BAIAP2: variants seen among roughly 807,000 people sequenced by gnomAD.
The protein encoded by BAIAP2 is BAR/IMD domain containing adaptor protein 2, also known as BAR/IMD domain-containing adapter protein 2.
A neutral mutation model predicts 63.0 loss-of-function variants in BAIAP2; 18 were observed. That is an observed-to-expected ratio of 0.29 (90% CI 0.20 to 0.42). BAIAP2 has a LOEUF of 0.42. BAIAP2 is among the 10% of genes least tolerant of loss of function. BAIAP2 has a pLI of 1.00. For missense variants in BAIAP2, 610 were observed against 734.3 expected (o/e 0.83, Z 1.96); for synonymous variants, 386 against 307.6 (o/e 1.25, Z -2.67).
intron 5 of BAIAP2, among the ~76,000 whole-genome samples, 170 bp downstream of exon 5, chr17:81,085,895 G>A (rs571676983): frequency 6.6e-6 from 1 of 152,348 alleles, no homozygotes; most frequent in East Asian, 1.9e-4. Flanking sequence ...CCCCTGGTGT[G>A]CCCCAAATGC....
chr17:81,049,389 G>A (rs1025261967), intron 1 of BAIAP2, among the ~76,000 whole-genome samples: 9 of 152,196 alleles, frequency 5.9e-5, no homozygotes, highest in South Asian at 2.1e-4. Context: ...CAGAGCCGCC[G>A]TGTGGGGGTG....
intron 3 of BAIAP2, among the ~76,000 whole-genome samples, chr17:81,062,412 A>T (rs2050723011): frequency 6.6e-6 from 1 of 151,646 alleles, no homozygotes; most frequent in African/African-American, 2.4e-5. Flanking sequence ...TTCTGGAGTT[A>T]ATAATGGTCT....
At chr17:81,052,747 C>T (rs865920829) in intron 1 of BAIAP2, among the ~76,000 whole-genome samples, 1 of 152,050 alleles carries the variant, frequency 6.6e-6, no homozygotes, top group Non-Finnish European at 1.5e-5. Flanking sequence ...TGCAGTTGCC[C>T]TTCCCTCCCC....
chr17:81,107,366 C>T (rs1406558439), intron 12 of BAIAP2: 1 of 158,870 alleles, frequency 6.3e-6, no homozygotes, highest in African/African-American at 2.4e-5. Flanking sequence ...GTGGCTGGAC[C>T]CCTTCCAGTC....
chr17:81,099,193 G>T (rs113122868), intron 6 of BAIAP2, among the ~76,000 whole-genome samples: 7 of 59,890 alleles, frequency 1.2e-4, no homozygotes, highest in South Asian at 5.5e-4. Context: ...CCCAGTCTCC[G>T]CTCGGTGACC....
At chr17:81,089,655 G>A (rs567330028) in intron 6 of BAIAP2, among the ~76,000 whole-genome samples, 2 of 152,198 alleles carry the variant, frequency 1.3e-5, no homozygotes, top group Admixed American at 6.5e-5. Context: ...GGAGGGGGTC[G>A]TGGCCTTACA....
chr17:81,067,922 G>A (rs924621532), intron 3 of BAIAP2, among the ~76,000 whole-genome samples: 3 of 152,186 alleles, frequency 2.0e-5, no homozygotes, highest in African/African-American at 7.2e-5. Context: ...GAGAGGAGCC[G>A]CTCAGCCTTC....
At chr17:81,086,211 C>A (rs752914371) in intron 5 of BAIAP2, among the ~76,000 whole-genome samples, 4 of 147,488 alleles carry the variant, frequency 2.7e-5, no homozygotes, top group Non-Finnish European at 6.0e-5. Flanking sequence ...CTTGGGCGAC[C>A]AGAGAGCTGC....
chr17:81,072,137 C>T (rs1404051069), intron 3 of BAIAP2, among the ~76,000 whole-genome samples: 4 of 152,234 alleles, frequency 2.6e-5, no homozygotes, highest in African/African-American at 7.2e-5. Flanking sequence ...GGCTCCAGCC[C>T]TCAGAAGCTT....
intron 13 of BAIAP2, among the ~76,000 whole-genome samples, chr17:81,114,711 T>C (rs1435843548): frequency 1.3e-5 from 2 of 152,232 alleles, no homozygotes; most frequent in African/African-American, 4.8e-5. Flanking sequence ...GAGCTGCCTC[T>C]GCCCTGTGCC....
At chr17:81,100,884 C>T (rs886081582) in intron 7 of BAIAP2, among the ~76,000 whole-genome samples, 4 of 152,170 alleles carry the variant, frequency 2.6e-5, no homozygotes, top group Non-Finnish European at 5.9e-5. Context: ...GCCTCTACCA[C>T]CTCTGCCTGC....
chr17:81,047,823 C>G (rs1303192487), intron 1 of BAIAP2, among the ~76,000 whole-genome samples: 3 of 152,212 alleles, frequency 2.0e-5, no homozygotes, highest in Non-Finnish European at 4.4e-5. Flanking sequence ...CCACATGCAT[C>G]TAGCACACTC....
intron 1 of BAIAP2, among the ~76,000 whole-genome samples, chr17:81,038,256 C>G (rs1197965704): frequency 2.0e-5 from 3 of 152,254 alleles, no homozygotes; most frequent in Non-Finnish European, 4.4e-5. Flanking sequence ...CCGTGCATCC[C>G]TGTGTGCTGA....
At chr17:81,102,185 G>T (rs923130813) in intron 7 of BAIAP2, among the ~76,000 whole-genome samples, 9 of 149,168 alleles carry the variant, frequency 6.0e-5, no homozygotes, top group Admixed American at 3.3e-4. Context: ...TGGGGGCCAG[G>T]GTGTGAGGGC....
chr17:81,048,356 C>CAAA (rs5822388), intron 1 of BAIAP2, among the ~76,000 whole-genome samples: 21 of 90,216 alleles, frequency 2.3e-4, no homozygotes, highest in East Asian at 3.0e-4. Context: ...GACTCTGTCT[C>CAAA]AAAAAAAAAA....
At chr17:81,061,649 A>C (rs187942687) in intron 3 of BAIAP2, among the ~76,000 whole-genome samples, 2 of 152,284 alleles carry the variant, frequency 1.3e-5, no homozygotes, top group African/African-American at 4.8e-5. Flanking sequence ...CGGAGGTGCC[A>C]CAGTTTGGCC....
chr17:81,114,613 GTC>G (rs2060306707), intron 13 of BAIAP2, among the ~76,000 whole-genome samples: 1 of 152,232 alleles, frequency 6.6e-6, no homozygotes, highest in African/African-American at 2.4e-5. Flanking sequence ...AGACCTGTCA[GTC>G]TCTTCCACGT....
intron 3 of BAIAP2, among the ~76,000 whole-genome samples, chr17:81,065,915 G>A (rs949368674): frequency 2.0e-5 from 3 of 152,240 alleles, no homozygotes; most frequent in South Asian, 2.1e-4. Flanking sequence ...TCTTCAGGAC[G>A]GTGCCCTGTC....
At chr17:81,095,011 C>A (rs754587482) in intron 6 of BAIAP2, among the ~76,000 whole-genome samples, 1 of 152,248 alleles carries the variant, frequency 6.6e-6, no homozygotes, top group Non-Finnish European at 1.5e-5. Flanking sequence ...CCGCATGCTG[C>A]GGAGAGGAGA....
Sources: gnomAD v4.1 joint callset for allele counts (sites outside exome capture counted in the v4.1 genomes callset) on GRCh38, gnomAD v4.1.1 for gene constraint, MANE v1.5 for transcripts, NCBI Gene and HGNC (gene_info 2026-07-23, HGNC 2026-07-21) for gene names.